DCDC2: variants seen among roughly 807,000 people sequenced by gnomAD.
The protein encoded by DCDC2 is doublecortin domain containing 2.
In DCDC2, 40 loss-of-function variants were observed where a neutral mutation model predicts 50.2. The observed-to-expected ratio is 0.80, with a 90% CI of 0.62 to 1.04. The LOEUF (loss-of-function observed/expected upper bound fraction) is 1.04. Ranked by LOEUF, DCDC2 falls within the 50% of genes least tolerant of loss-of-function variation. The probability of loss-of-function intolerance (pLI) is 0.00; values close to 1 mark genes in which losing one functional copy is unlikely to be tolerated. For synonymous variants in DCDC2, 234 were observed against 210.6 expected (o/e 1.11, Z -0.96); for missense variants, 570 against 581.9 (o/e 0.98, Z 0.21).
intron 2 of DCDC2, among the ~76,000 whole-genome samples, chr6:24,334,718 AAC>A (rs1402136712): frequency 6.6e-6 from 1 of 152,220 alleles, no homozygotes. Flanking sequence ...GAGGATCCCA[AAC>A]ACACTCCCTT....
At chr6:24,382,248 C>T in the DCDC2 span, among the ~76,000 whole-genome samples, 15 of 152,056 alleles carry the variant, frequency 9.9e-5, no homozygotes, top group Non-Finnish European at 1.6e-4. Flanking sequence ...CTGCTTGACT[C>T]TACAGACTCC....
At chr6:24,346,559 C>T (rs1475895594) in intron 2 of DCDC2, among the ~76,000 whole-genome samples, 1 of 152,094 alleles carries the variant, frequency 6.6e-6, no homozygotes, top group Non-Finnish European at 1.5e-5. Context: ...AGTTCGAGAC[C>T]AGCCTAGCCA....
intron 2 of DCDC2, among the ~76,000 whole-genome samples, chr6:24,307,760 TC>T (rs958169205): frequency 6.2e-4 from 93 of 150,870 alleles, no homozygotes; most frequent in Admixed American, 4.5e-3. Flanking sequence ...AAAGAATCAT[TC>T]TTTTTTTTTT....
At chr6:24,376,126 G>A in the DCDC2 span, among the ~76,000 whole-genome samples, 350 of 152,310 alleles carry the variant, frequency 2.3e-3, no homozygotes, top group African/African-American at 5.8e-3. Context: ...CATGGGAGAC[G>A]AGCTTAAATG....
At chr6:24,309,341 T>A (rs1234391677) in intron 2 of DCDC2, among the ~76,000 whole-genome samples, 2 of 151,022 alleles carry the variant, frequency 1.3e-5, no homozygotes, top group South Asian at 2.1e-4. Flanking sequence ...AAAAAAAAAA[T>A]TAGTCCTAAA....
the DCDC2 span, among the ~76,000 whole-genome samples, chr6:24,374,818 G>T: frequency 6.6e-6 from 1 of 152,156 alleles, no homozygotes; most frequent in Non-Finnish European, 1.5e-5. Flanking sequence ...TGTGGTTTCA[G>T]GGGGAGCCCA....
At chr6:24,382,003 G>GGAAC in the DCDC2 span, among the ~76,000 whole-genome samples, 1 of 134,384 alleles carries the variant, frequency 7.4e-6, no homozygotes, top group South Asian at 2.2e-4. Context: ...AAGGAAGGAA[G>GGAAC]GAAGGAAGGC....
At chr6:24,319,244 C>A (rs1226263717) in intron 2 of DCDC2, among the ~76,000 whole-genome samples, 1 of 150,366 alleles carries the variant, frequency 6.7e-6, no homozygotes, top group Admixed American at 6.6e-5. Context: ...TGAAAAATGA[C>A]TATGCATGAA....
chr6:24,262,130 T>TC (rs1287504031), intron 7 of DCDC2, among the ~76,000 whole-genome samples: 20 of 80,964 alleles, frequency 2.5e-4, no homozygotes, highest in South Asian at 1.5e-3. Context: ...CCCACCCCCG[T>TC]CCCCCAGCAG....
intron 2 of DCDC2, among the ~76,000 whole-genome samples, chr6:24,349,581 C>T (rs1301734899): frequency 1.3e-5 from 2 of 152,024 alleles, no homozygotes; most frequent in Admixed American, 1.3e-4. Flanking sequence ...AAGAAAGGAG[C>T]TGGTAAATCA....
At chr6:24,370,809 G>A in the DCDC2 span, among the ~76,000 whole-genome samples, 1 of 152,128 alleles carries the variant, frequency 6.6e-6, no homozygotes, top group Non-Finnish European at 1.5e-5. Context: ...GTTCATAGAA[G>A]CATTATTCAT....
intron 7 of DCDC2, among the ~76,000 whole-genome samples, chr6:24,224,429 G>C (rs1762184639): frequency 6.6e-6 from 1 of 152,218 alleles, no homozygotes; most frequent in Non-Finnish European, 1.5e-5. Context: ...ACAGAGGACA[G>C]AGCTGTTAAA....
intron 7 of DCDC2, among the ~76,000 whole-genome samples, chr6:24,224,043 C>G (rs1179098599): frequency 6.6e-6 from 1 of 151,944 alleles, no homozygotes; most frequent in Non-Finnish European, 1.5e-5. Context: ...ACCAGGCGCA[C>G]AGATTCCCGC....
chr6:24,345,260 G>C (rs1760233999), intron 2 of DCDC2, among the ~76,000 whole-genome samples: 1 of 152,098 alleles, frequency 6.6e-6, no homozygotes, highest in Non-Finnish European at 1.5e-5. Context: ...TTAATGTCTA[G>C]AATCCCGTTC....
chr6:24,243,723 C>T (rs919325881), intron 7 of DCDC2, among the ~76,000 whole-genome samples: 1 of 152,094 alleles, frequency 6.6e-6, no homozygotes, highest in Admixed American at 6.6e-5. Context: ...TTGTGCCAAC[C>T]TTTGGAAATC....
intron 2 of DCDC2, among the ~76,000 whole-genome samples, chr6:24,350,030 T>A (rs962545258): frequency 3.3e-5 from 5 of 152,116 alleles, no homozygotes; most frequent in African/African-American, 1.2e-4. Context: ...GTTCACCAAA[T>A]AGGACCCTAT....
chr6:24,226,207 A>AT (rs578254220), intron 7 of DCDC2, among the ~76,000 whole-genome samples: 3 of 152,236 alleles, frequency 2.0e-5, no homozygotes, highest in Non-Finnish European at 4.4e-5. Context: ...TTGTGGTAAC[A>AT]TTTTGGATGC....
the DCDC2 span, among the ~76,000 whole-genome samples, chr6:24,367,163 G>C: frequency 6.6e-6 from 1 of 152,196 alleles, no homozygotes; most frequent in East Asian, 1.9e-4. Context: ...TAAATGCATT[G>C]CCAATTCGGC....
At chr6:24,242,006 T>C (rs1561903462) in intron 7 of DCDC2, among the ~76,000 whole-genome samples, 1 of 152,032 alleles carries the variant, frequency 6.6e-6, no homozygotes, top group Non-Finnish European at 1.5e-5. Context: ...ACCCCATCTC[T>C]ACCAATTTTT....
Sources: allele counts gnomAD v4.1 joint callset (sites outside exome capture counted in the v4.1 genomes callset), GRCh38; gene constraint gnomAD v4.1.1; transcripts MANE v1.5; gene names NCBI Gene and HGNC (gene_info 2026-07-23, HGNC 2026-07-21).